Variants in SV2A observed in about 807,000 individuals in gnomAD.
The protein encoded by SV2A is solute carrier family 22 member B1.
Under a neutral mutation model 78.0 loss-of-function variants are expected in SV2A, and 25 were observed. That is an observed-to-expected ratio of 0.32 (90% CI 0.23 to 0.45). SV2A has a LOEUF of 0.45. Ranked by LOEUF, SV2A falls within the 20% of genes least tolerant of loss-of-function variation. The pLI is 1.00. For synonymous variants in SV2A, 355 were observed against 384.7 expected, an observed-to-expected ratio of 0.92 and a Z score of 0.90; for missense variants, 752 against 971.5, an observed-to-expected ratio of 0.77 and a Z score of 3.00.
rs1337967205 is a variant in SV2A, at chr1:149,909,524, G to A, written c.1227C>T (p.Ile409=). ...GGTACCAGGTCCCTGTGTCCGACTG[G>A]ATCTCAATCAATTCATCCTCCTGAT... ...TIHQEDELIE[I]QSDTGTWYQR... The change falls in exon 7 of 13, where the codon ATC becomes ATT. Residue 409 remains isoleucine, a synonymous_variant. Transcript: ENST00000369146. 6 of 1,613,952 alleles carry A rather than the reference G, an allele frequency of 3.7e-6. No homozygotes were observed. Among genetic ancestry groups the A allele is most frequent in the Admixed American group, 1.7e-5 (1 of 59,986 alleles).
At chr1:149,909,706 G>A in intron 6 of SV2A, 95 bp downstream of exon 6, 1 of 1,469,444 alleles carries the variant, frequency 6.8e-7, no homozygotes, top group Non-Finnish European at 9.5e-7. Context: ...CCTTACGGTA[G>A]AGTGTGGTCT....
chr1:149,905,739 G>A (rs977471501), intron 12 of SV2A, 141 bp downstream of exon 12: 30 of 1,233,500 alleles, frequency 2.4e-5, no homozygotes, highest in South Asian at 4.3e-5. Flanking sequence ...CACCGTGCCC[G>A]GCCAAAGCTA....
At chr1:149,914,855 A>G (rs1183800866) in intron 1 of SV2A, among the ~76,000 whole-genome samples, 2 of 152,252 alleles carry the variant, frequency 1.3e-5, no homozygotes, top group African/African-American at 4.8e-5. Flanking sequence ...GCTCCTTACC[A>G]TAAGTCACCT....
intron 12 of SV2A, chr1:149,905,652 A>G: frequency 9.8e-6 from 5 of 510,518 alleles, no homozygotes; most frequent in Non-Finnish European, 1.7e-5. Context: ...CATGTTGGCC[A>G]GGCTGGTCTC....
Position 149,910,712 on chromosome 1 carries a change from G to C in SV2A, c.956-9C>G. On this transcript the variant is annotated splice_polypyrimidine_tract_variant and intron_variant, in intron 4 of 12. Coordinates refer to ENST00000369146, the MANE Select transcript of SV2A (RefSeq NM_014849.5). The surrounding 1 kb of genome is among the most constrained non-coding windows in gnomAD (Gnocchi z 4.2). ...CATCTGAAAACTCCACCCTGGTAGGGAGAAAGTGACAGCATCAGCAGAGAG... is the reference window on the plus strand; with the variant it reads ...CATCTGAAAACTCCACCCTGGTAGGCAGAAAGTGACAGCATCAGCAGAGAG... 6.2e-7 allele frequency: 1 copy of C among 1,613,808 alleles called. No homozygotes were observed. Among genetic ancestry groups the C allele is most frequent in the Non-Finnish European group, 8.5e-7 (1 of 1,179,844 alleles).
Position 149,913,882 on chromosome 1 carries a change from GCTT to G in SV2A, c.-45_-43del. On this transcript the variant is annotated 5_prime_UTR_variant, in exon 2 of 13. Transcript: ENST00000369146. ...CTTCACTGGGTCTTCTCCACCTCCT[GCTT>G]CTTTTTCAGCTTTTTGCTCAAGGAC... The G allele has an allele frequency of 6.5e-7, 1 of 1,546,786 alleles. No individual in the cohort carries two copies. The highest frequency in any genetic ancestry group is 2.2e-4 in the Middle Eastern group (1 of 4,448).
rs1032943172 is a variant in SV2A, at chr1:149,905,270, A to G, written c.2046-73T>C. 2.2e-4 allele frequency: 307 copies of G among 1,419,654 alleles called. 2 individuals carry two copies. Among genetic ancestry groups the G allele is most frequent in the Non-Finnish European group, 2.5e-4 (257 of 1,038,686 alleles). 87.9% of individuals were successfully genotyped at this position (1,419,654 alleles called of 1,614,324 possible). On this transcript the variant is annotated intron_variant, in intron 12 of 12. Transcript: ENST00000369146. ...GGCAAAGGAAGAGTGGAGGGCAGGGAAGTGAAGTCCAGGAAGATGCAGGCA... is the reference window on the plus strand; with the variant it reads ...GGCAAAGGAAGAGTGGAGGGCAGGGGAGTGAAGTCCAGGAAGATGCAGGCA...
Position 149,916,793 on chromosome 1 carries a change from G to A in SV2A, c.-348+946C>T, listed in dbSNP as rs141475693. On this transcript the variant is annotated intron_variant, in intron 1 of 12. Transcript: ENST00000369146. Reference sequence around the variant, plus strand: ...CCTTCCCCATGACAGCCCGGTCATCGAACTTCAGCCCCCACCCAGGACCAT... The same window carrying A: ...CCTTCCCCATGACAGCCCGGTCATCAAACTTCAGCCCCCACCCAGGACCAT... Among the ~76,000 whole-genome samples, 25 of 152,258 alleles carry A rather than the reference G, an allele frequency of 1.6e-4. 1 individual carries two copies. In the East Asian group the frequency reaches 4.8e-3, roughly 29 times the overall value.
Position 149,909,587 on chromosome 1 carries a change from G to T in SV2A, c.1180-16C>A, listed in dbSNP as rs2092462551. ...TGTGGGTTACCTGGGGTCAAGAGAA[G>T]GGGTGGGCAGTCACACACTCTGTGT... On this transcript the variant is annotated splice_polypyrimidine_tract_variant and intron_variant, in intron 6 of 12. Coordinates refer to ENST00000369146, the MANE Select transcript of SV2A (RefSeq NM_014849.5). The T allele has an allele frequency of 4.4e-6, 7 of 1,607,620 alleles. No homozygotes were observed. Among genetic ancestry groups the T allele is most frequent in the Non-Finnish European group, 6.0e-6 (7 of 1,174,280 alleles).
rs1250964439 is a variant in SV2A, at chr1:149,909,487, C to A, written c.1264G>T (p.Val422Phe). 8 of 1,613,096 alleles carry A rather than the reference C, an allele frequency of 5.0e-6. No homozygotes were observed. Among genetic ancestry groups the A allele is most frequent in the Admixed American group, 3.3e-5 (2 of 59,990 alleles). The change falls in exon 7 of 13, where the codon GTC becomes TTC. Residue 422 changes from valine to phenylalanine, a missense_variant. By Grantham distance (50) the Val-to-Phe change is conservative. Around this residue, in one of 7 missense-constraint regions of SV2A, gnomAD observed 136 missense variants for 132.3 expected, o/e 1.03. Transcript: ENST00000369146. The part of the protein sequence containing the change: ...DTGTWYQRWG[V>F]RALSLGGQVW... ...TGCCCCCCTAGGCTCAAGGCCCGGA[C>A]CCCCCAGCGCTGGTACCAGGTCCCT...
At chr1:149,912,978 G>A (rs1465405972) in intron 2 of SV2A, among the ~76,000 whole-genome samples, 7 of 151,946 alleles carry the variant, frequency 4.6e-5, no homozygotes, top group African/African-American at 1.7e-4. Flanking sequence ...CCCAACCACT[G>A]GCCCAAGCCC....
chr1:149,917,065 C>T (rs1341959671), intron 1 of SV2A, among the ~76,000 whole-genome samples: 1 of 151,958 alleles, frequency 6.6e-6, no homozygotes, highest in Non-Finnish European at 1.5e-5. Flanking sequence ...GCCCCCAGAA[C>T]TGACTAAATC....
At chr1:149,914,372 A>G (rs2092498969) in intron 1 of SV2A, among the ~76,000 whole-genome samples, 185 bp from the exon 2 acceptor site, 1 of 152,182 alleles carries the variant, frequency 6.6e-6, no homozygotes, top group South Asian at 2.1e-4. Context: ...TCACTCACAT[A>G]GAAGTCCCCT....
chr1:149,904,789 G>T lies in SV2A; in HGVS notation c.*225C>A, dbSNP rs2092424683. The T allele has an allele frequency of 9.9e-6, 5 of 506,124 alleles. No homozygotes were observed. In the South Asian group the frequency reaches 1.5e-4, roughly 16 times the overall value. 31.4% of individuals were successfully genotyped at this position (506,124 alleles called of 1,614,324 possible). A position where few individuals can be genotyped will look rare whatever the true frequency, so the allele number is the denominator to read the frequency against. The stretch of plus-strand genomic sequence containing the variant: ...TGCAAAGTCAAGGGCAGTGGGAAAT[G>T]GGGAGTACAGCTTCATCTCAAAACT... On this transcript the variant is annotated 3_prime_UTR_variant, in exon 13 of 13. Transcript: ENST00000369146.
Position 149,913,831 on chromosome 1 carries a change from C to A in SV2A, c.10G>T (p.Gly4Cys). The A allele has an allele frequency of 6.2e-7, 1 of 1,607,304 alleles. No homozygotes were observed. The change falls in exon 2 of 13, where the codon GGC becomes TGC. Residue 4 changes from glycine (G) to cysteine (C), a missense_variant. Gly to Cys is a radical substitution (Grantham distance 159). This residue lies in a region of SV2A where 291 missense variants were observed against 359.5 expected (regional missense o/e 0.81). Transcript: ENST00000369146. Reference protein sequence around the residue: MEEGFRDRAAFIRG... With the variant: MEECFRDRAAFIRG... ...ATGAAAGCTGCCCGGTCTCGGAAGC[C>A]CTCTTCCATGATGGGGCTTGGGGCA...
At chr1:149,907,207 A>T (rs782510729) in intron 10 of SV2A, among the ~76,000 whole-genome samples, 3 of 152,306 alleles carry the variant, frequency 2.0e-5, no homozygotes, top group South Asian at 4.1e-4. Context: ...AAAAAGTCCT[A>T]TCCATTGTTG....
intron 6 of SV2A, 52 bp downstream of exon 6, chr1:149,909,749 G>A: frequency 6.3e-7 from 1 of 1,594,362 alleles, no homozygotes; most frequent in South Asian, 1.1e-5. Flanking sequence ...GGGCCAGGTA[G>A]GGGCTGGGGC....
At chr1:149,914,404 G>T (rs1486553517) in intron 1 of SV2A, among the ~76,000 whole-genome samples, 2 of 152,156 alleles carry the variant, frequency 1.3e-5, no homozygotes, top group Non-Finnish European at 2.9e-5. Flanking sequence ...TGGAGGCCTG[G>T]CCTGTGGAAT....
Position 149,914,186 on chromosome 1 carries a change from A to G in SV2A, c.-346T>C, listed in dbSNP as rs2092497704. 1 of 228,840 alleles carries G rather than the reference A, an allele frequency of 4.4e-6. No homozygotes were observed. Among genetic ancestry groups the G allele is most frequent in the African/African-American group, 2.3e-5 (1 of 44,210 alleles). 14.2% of individuals were successfully genotyped at this position (228,840 alleles called of 1,614,324 possible). Reference sequence around the variant, plus strand: ...GCTTCTCTTCCACAAGCCTCTGGAGACCTAGAAAAAATAACAGACAGCAAA... The same window carrying G: ...GCTTCTCTTCCACAAGCCTCTGGAGGCCTAGAAAAAATAACAGACAGCAAA... On this transcript the variant is annotated splice_region_variant and 5_prime_UTR_variant, in exon 2 of 13. Coordinates refer to ENST00000369146, the MANE Select transcript of SV2A (RefSeq NM_014849.5).
Sources: allele counts gnomAD v4.1 joint callset (sites outside exome capture counted in the v4.1 genomes callset), GRCh38; gene constraint gnomAD v4.1.1; regional missense constraint gnomAD v4.1.1; non-coding constraint Gnocchi (gnomAD v3.1); transcripts MANE v1.5; gene names NCBI Gene and HGNC (gene_info 2026-07-23, HGNC 2026-07-21).